CSMD1: variants seen among roughly 807,000 people sequenced by gnomAD.
The protein encoded by CSMD1 is CUB and Sushi multiple domains 1, also known as CUB and sushi domain-containing protein 1.
Under a neutral mutation model 417.5 loss-of-function variants are expected in CSMD1, and 213 were observed. The observed-to-expected ratio is 0.51, with a 90% CI of 0.46 to 0.57. CSMD1 has a LOEUF of 0.57. Ranked by LOEUF, CSMD1 falls within the 20% of genes least tolerant of loss-of-function variation. The probability of loss-of-function intolerance (pLI) is 0.00; values close to 1 mark genes in which losing one functional copy is unlikely to be tolerated. For synonymous variants in CSMD1, 2,862 were observed against 1,736.8 expected, an observed-to-expected ratio of 1.65 and a Z score of -16.11; for missense variants, 6,923 against 4,529.7, an observed-to-expected ratio of 1.53 and a Z score of -15.17.
intron 3 of CSMD1, among the ~76,000 whole-genome samples, chr8:4,150,444 GC>G (rs1311695303): frequency 1.3e-5 from 2 of 152,170 alleles, no homozygotes; most frequent in Non-Finnish European, 2.9e-5. Flanking sequence ...CAACTTCAGT[GC>G]CTTTTACCGG....
intron 12 of CSMD1, among the ~76,000 whole-genome samples, chr8:3,456,547 T>C (rs1453357263): frequency 6.6e-6 from 1 of 152,202 alleles, no homozygotes; most frequent in Non-Finnish European, 1.5e-5. Context: ...GGCGCAGTTT[T>C]TCACTTAGCA....
intron 5 of CSMD1, among the ~76,000 whole-genome samples, chr8:3,944,974 A>C (rs575253516): frequency 1.3e-5 from 2 of 152,144 alleles, no homozygotes; most frequent in Non-Finnish European, 2.9e-5. Context: ...GATATCTAAT[A>C]ATTATCCATC....
At chr8:4,584,219 A>G (rs923354407) in intron 2 of CSMD1, among the ~76,000 whole-genome samples, 2 of 152,142 alleles carry the variant, frequency 1.3e-5, no homozygotes, top group African/African-American at 4.8e-5. Flanking sequence ...AGTGAGACCA[A>G]GAACCCACCA....
At chr8:3,806,392 C>T (rs921420309) in intron 5 of CSMD1, among the ~76,000 whole-genome samples, 1 of 152,138 alleles carries the variant, frequency 6.6e-6, no homozygotes, top group Non-Finnish European at 1.5e-5. Flanking sequence ...CTGTGGGACA[C>T]AAAAGCGTGT....
At chr8:3,953,208 A>G (rs529055429) in intron 5 of CSMD1, among the ~76,000 whole-genome samples, 1 of 152,258 alleles carries the variant, frequency 6.6e-6, no homozygotes, top group Admixed American at 6.5e-5. Context: ...TATAAACATT[A>G]TAGGATTAAA....
intron 3 of CSMD1, among the ~76,000 whole-genome samples, chr8:4,212,522 T>C (rs73496576): frequency 1.3e-5 from 2 of 152,172 alleles, no homozygotes; most frequent in African/African-American, 4.8e-5. Context: ...TTAGACATTA[T>C]AAAATTTTGA....
At chr8:4,225,269 G>T (rs528000190) in intron 3 of CSMD1, among the ~76,000 whole-genome samples, 1 of 152,066 alleles carries the variant, frequency 6.6e-6, no homozygotes, top group Non-Finnish European at 1.5e-5. Context: ...CTTCAAAATA[G>T]AAAAAAATAT....
chr8:4,280,405 G>A (rs998326067), intron 3 of CSMD1, among the ~76,000 whole-genome samples: 3 of 152,290 alleles, frequency 2.0e-5, no homozygotes, highest in Admixed American at 6.5e-5. Flanking sequence ...TCTAGAATCT[G>A]ACAATTAAAT....
rs190760165 is a variant in CSMD1 at position 4,893,292 on chromosome 8, G to A, written c.85+101040C>T. ...AACTGATGTTTTTCTTGAACTAGAA[G>A]CTCCTTATATATTCTGTAGAGTAAT... On this transcript the variant is annotated intron_variant, in intron 1 of 69. Coordinates refer to ENST00000635120, the MANE Select transcript of CSMD1 (RefSeq NM_033225.6). Among the ~76,000 whole-genome samples, 108 of 152,096 alleles carry A rather than the reference G, an allele frequency of 7.1e-4. 1 individual carries two copies. Among genetic ancestry groups the A allele is most frequent in the Admixed American group, 4.4e-3 (68 of 15,292 alleles).
intron 3 of CSMD1, among the ~76,000 whole-genome samples, chr8:4,346,276 G>T (rs1271585011): frequency 6.6e-6 from 1 of 152,034 alleles, no homozygotes; most frequent in African/African-American, 2.4e-5. Flanking sequence ...ATATTTCATA[G>T]CACATGAAAG....
intron 8 of CSMD1, among the ~76,000 whole-genome samples, chr8:3,611,298 A>C (rs768118680): frequency 4.6e-5 from 7 of 152,126 alleles, no homozygotes; most frequent in Non-Finnish European, 8.8e-5. Context: ...TGATTGTTTT[A>C]ATAAATCATA....
chr8:3,682,637 T>C (rs1040109922), intron 7 of CSMD1, among the ~76,000 whole-genome samples: 1 of 152,208 alleles, frequency 6.6e-6, no homozygotes, highest in African/African-American at 2.4e-5. Flanking sequence ...AGTGTGGTGA[T>C]TCCTCAGGGA....
rs1381549700 is a variant in CSMD1, at chr8:2,950,361, G to GT, written c.10202-19dup. ...GTAAATGCCTGTGAAAAGATCAGCAGTTTAGGCTTACCTTGGAGAAAGTTA... is the reference window on the plus strand; with the variant it reads ...GTAAATGCCTGTGAAAAGATCAGCAGTTTTAGGCTTACCTTGGAGAAAGTTA... On this transcript the variant is annotated intron_variant, in intron 66 of 69. Transcript: ENST00000635120. 6.7e-7 allele frequency: 1 copy of GT among 1,492,682 alleles called. No individual in the cohort carries two copies. The allele number at this position is 1,492,682 out of a possible 1,614,324, so 92.5% of individuals were successfully genotyped here. A position where few individuals can be genotyped will look rare whatever the true frequency, so the allele number is the denominator to read the frequency against.
At chr8:4,352,053 C>G (rs1345975370) in intron 3 of CSMD1, among the ~76,000 whole-genome samples, 1 of 149,974 alleles carries the variant, frequency 6.7e-6, no homozygotes, top group African/African-American at 2.5e-5. Context: ...CCAGTGTGGT[C>G]TACAATTATT....
intron 1 of CSMD1, among the ~76,000 whole-genome samples, chr8:4,687,104 C>T (rs11992293): frequency 0.031 from 4,719 of 152,242 alleles, 284 homozygotes; most frequent in African/African-American, 0.11. Flanking sequence ...ACTCTGTGGT[C>T]GATAAAAGCT....
intron 10 of CSMD1, among the ~76,000 whole-genome samples, chr8:3,495,962 G>A (rs1181117413): frequency 6.6e-6 from 1 of 152,072 alleles, no homozygotes; most frequent in Admixed American, 6.6e-5. Flanking sequence ...TTGGGACATA[G>A]GTAAACACGT....
chr8:4,620,293 T>C (rs79784753), intron 2 of CSMD1, among the ~76,000 whole-genome samples: 1 of 151,720 alleles, frequency 6.6e-6, no homozygotes, highest in East Asian at 1.9e-4. Context: ...GTAAGAAATA[T>C]ACATGTGTAT....
intron 1 of CSMD1, among the ~76,000 whole-genome samples, chr8:4,726,899 G>C (rs1333715866): frequency 3.3e-5 from 5 of 152,092 alleles, no homozygotes; most frequent in African/African-American, 7.2e-5. Flanking sequence ...AATATGAAGA[G>C]CTGAAAAAAT....
At chr8:2,997,809 T>C (rs1563219520) in intron 54 of CSMD1, among the ~76,000 whole-genome samples, 1 of 152,176 alleles carries the variant, frequency 6.6e-6, no homozygotes, top group Admixed American at 6.5e-5. Context: ...ATTTTCGTAA[T>C]TGAACATCTG....
Sources: gnomAD v4.1 joint callset for allele counts (sites outside exome capture counted in the v4.1 genomes callset) on GRCh38, gnomAD v4.1.1 for gene constraint, MANE v1.5 for transcripts, NCBI Gene and HGNC (gene_info 2026-07-23, HGNC 2026-07-21) for gene names.